Variants in TUSC3 observed in about 807,000 individuals in gnomAD.
The protein encoded by TUSC3 is tumor suppressor candidate 3, also known as dolichyl-diphosphooligosaccharide--protein glycosyltransferase subunit TUSC3.
In TUSC3, 45 loss-of-function variants were observed where a neutral mutation model predicts 44.8. The ratio of observed to expected loss-of-function variants is 1.00; its 90% CI spans 0.79 to 1.29. The LOEUF (loss-of-function observed/expected upper bound fraction) is 1.29, where lower values mean the gene tolerates loss of function less well. TUSC3 is among the 50% of genes most tolerant of loss of function. The pLI, the probability that TUSC3 is intolerant of heterozygous loss-of-function variation, is 0.00. For missense variants in TUSC3, 519 were observed against 437.9 expected (o/e 1.19, Z -1.65); for synonymous variants, 212 against 152.9 (o/e 1.39, Z -2.85).
chr8:15,441,302 G>T (rs1476413692), intron 1 of TUSC3, among the ~76,000 whole-genome samples: 1 of 152,156 alleles, frequency 6.6e-6, no homozygotes, highest in Non-Finnish European at 1.5e-5. Flanking sequence ...AGCTACTCAG[G>T]AGGCTGAGGC....
At chr8:15,621,694 TC>T (rs1275852392) in intron 1 of TUSC3, among the ~76,000 whole-genome samples, 12 of 149,998 alleles carry the variant, frequency 8.0e-5, no homozygotes, top group South Asian at 6.3e-4. Context: ...TATATGTAAA[TC>T]TAACTAAATG....
At chr8:15,722,873 A>G (rs182726465) in intron 6 of TUSC3, among the ~76,000 whole-genome samples, 2 of 152,146 alleles carry the variant, frequency 1.3e-5, no homozygotes, top group African/African-American at 4.8e-5. Context: ...TTCCCTGAAT[A>G]TATAGCCTTT....
chr8:15,484,453 G>T (rs190988572), intron 2 of TUSC3, among the ~76,000 whole-genome samples: 78 of 152,284 alleles, frequency 5.1e-4, no homozygotes, highest in African/African-American at 1.8e-3. Context: ...TTCTTTACAT[G>T]TGCCAGCACA....
chr8:15,787,579 T>A, the TUSC3 span, among the ~76,000 whole-genome samples: 1 of 152,244 alleles, frequency 6.6e-6, no homozygotes. Flanking sequence ...TCTGTATATT[T>A]TCTCACAACA....
chr8:15,702,221 G>T (rs4416821), intron 6 of TUSC3, among the ~76,000 whole-genome samples: 1 of 151,790 alleles, frequency 6.6e-6, no homozygotes, highest in Non-Finnish European at 1.5e-5. Flanking sequence ...TCAGATGGAA[G>T]AGACTCTAAT....
chr8:15,420,865 C>T (rs555975374), intron 1 of TUSC3, among the ~76,000 whole-genome samples: 2 of 152,196 alleles, frequency 1.3e-5, no homozygotes, highest in African/African-American at 4.8e-5. Flanking sequence ...TTCGCTTCTC[C>T]CTAGACTCCT....
At chr8:15,581,265 G>A (rs1273312706) in intron 1 of TUSC3, among the ~76,000 whole-genome samples, 2 of 141,966 alleles carry the variant, frequency 1.4e-5, no homozygotes, top group African/African-American at 2.8e-5. Context: ...TGGTTTGAAT[G>A]TCCTCCCGTA....
intron 1 of TUSC3, among the ~76,000 whole-genome samples, chr8:15,452,778 C>A (rs1344814496): frequency 6.6e-6 from 1 of 152,188 alleles, no homozygotes; most frequent in Non-Finnish European, 1.5e-5. Context: ...CTGCATGTAG[C>A]ACTCTGCAGC....
At chr8:15,472,757 A>G (rs866510140) in intron 1 of TUSC3, among the ~76,000 whole-genome samples, 1 of 152,206 alleles carries the variant, frequency 6.6e-6, no homozygotes, top group Admixed American at 6.5e-5. Context: ...TTTACATTTT[A>G]CTTGTGACAA....
chr8:15,761,000 A>G (rs922745588), intron 10 of TUSC3, among the ~76,000 whole-genome samples: 2 of 152,182 alleles, frequency 1.3e-5, no homozygotes, highest in Non-Finnish European at 2.9e-5. Context: ...TCCTTTAGCT[A>G]AAAGAAATGT....
At chr8:15,473,034 C>G (rs900576200) in intron 1 of TUSC3, among the ~76,000 whole-genome samples, 1 of 152,150 alleles carries the variant, frequency 6.6e-6, no homozygotes, top group African/African-American at 2.4e-5. Context: ...GAATCCTTAA[C>G]AATATATGCT....
downstream of TUSC3, among the ~76,000 whole-genome samples, chr8:15,766,872 A>T (rs1000163785): frequency 1.3e-5 from 2 of 152,112 alleles, no homozygotes; most frequent in African/African-American, 2.4e-5. Context: ...AACCAGTGAC[A>T]TTAAACATTG....
intron 10 of TUSC3, among the ~76,000 whole-genome samples, chr8:15,759,004 C>T (rs901970639): frequency 6.6e-6 from 1 of 152,080 alleles, no homozygotes; most frequent in Non-Finnish European, 1.5e-5. Context: ...GAAGAGAGCC[C>T]CAGGACTTTT....
intron 2 of TUSC3, among the ~76,000 whole-genome samples, chr8:15,639,324 G>C (rs76441623): frequency 0.033 from 5,097 of 152,242 alleles, 134 homozygotes; most frequent in East Asian, 0.13. Context: ...GCTAGATCAC[G>C]TGATGTTCAG....
At chr8:15,581,693 G>A (rs1276435214) in intron 1 of TUSC3, among the ~76,000 whole-genome samples, 141 of 145,094 alleles carry the variant, frequency 9.7e-4, no homozygotes, top group South Asian at 2.2e-3. Flanking sequence ...CTCCAGCTGC[G>A]TGCTGGGAGA....
the TUSC3 span, among the ~76,000 whole-genome samples, chr8:15,812,051 C>T: frequency 1.4e-4 from 21 of 152,284 alleles, no homozygotes; most frequent in Non-Finnish European, 2.2e-4. Flanking sequence ...ATAGGACACA[C>T]GATGCAAGAC....
chr8:15,606,023 T>A (rs1167724476), intron 1 of TUSC3, among the ~76,000 whole-genome samples: 1 of 151,986 alleles, frequency 6.6e-6, no homozygotes, highest in Non-Finnish European at 1.5e-5. Flanking sequence ...CTCCTGTATT[T>A]TTCATTCTGT....
chr8:15,820,910 T>C, the TUSC3 span, among the ~76,000 whole-genome samples: 1 of 152,294 alleles, frequency 6.6e-6, no homozygotes, highest in Admixed American at 6.5e-5. Flanking sequence ...GTAGATGTAA[T>C]AGATAATGTA....
At chr8:15,472,905 A>C (rs1469181751) in intron 1 of TUSC3, among the ~76,000 whole-genome samples, 1 of 152,202 alleles carries the variant, frequency 6.6e-6, no homozygotes, top group Non-Finnish European at 1.5e-5. Context: ...CCACATACAG[A>C]AGTTGATAAT....
Sources: gnomAD v4.1 joint callset for allele counts (sites outside exome capture counted in the v4.1 genomes callset) on GRCh38, gnomAD v4.1.1 for gene constraint, MANE v1.5 for transcripts, NCBI Gene and HGNC (gene_info 2026-07-23, HGNC 2026-07-21) for gene names.